TMEM94: variants seen among roughly 807,000 people sequenced by gnomAD.
TMEM94 encodes the protein transmembrane protein 94, also known as ER Mg2+ ATPase.
A neutral mutation model predicts 158.6 loss-of-function variants in TMEM94; 81 were observed. The ratio of observed to expected loss-of-function variants is 0.51; its 90% confidence interval spans 0.43 to 0.61. The LOEUF (loss-of-function observed/expected upper bound fraction) is 0.61. Ranked by LOEUF, TMEM94 falls within the 20% of genes least tolerant of loss-of-function variation. The pLI is 0.00. For synonymous variants in TMEM94, 751 were observed against 730.7 expected (o/e 1.03, Z -0.45); for missense variants, 1,435 against 1,762.0 (o/e 0.81, Z 3.32).
chr17:75,469,872 A>C (rs2050434526), intron 1 of TMEM94, among the ~76,000 whole-genome samples: 1 of 152,050 alleles, frequency 6.6e-6, no homozygotes, highest in Admixed American at 6.5e-5. Context: ...CGGGAGTTTG[A>C]GACGAGCCTG....
chr17:75,470,875 C>T (rs191738156), intron 1 of TMEM94, among the ~76,000 whole-genome samples: 81 of 151,598 alleles, frequency 5.3e-4, no homozygotes, highest in African/African-American at 1.8e-3. Flanking sequence ...GCAAAGGTTG[C>T]GCCACTGCAC....
At chr17:75,462,649 C>T (rs2050117046) in intron 1 of TMEM94, among the ~76,000 whole-genome samples, 1 of 150,836 alleles carries the variant, frequency 6.6e-6, no homozygotes. Context: ...CGAGACCAGC[C>T]TGGTCAACAT....
chr17:75,474,816 C>T (rs1240926218), intron 2 of TMEM94, among the ~76,000 whole-genome samples: 2 of 152,136 alleles, frequency 1.3e-5, no homozygotes, highest in African/African-American at 2.4e-5. Flanking sequence ...TCCATCAGTT[C>T]GGTCTCTCCT....
chr17:75,488,791 C>T lies in TMEM94; in HGVS notation c.645C>T (p.Asp215=). Residue 215 remains aspartate (D), a synonymous_variant, in exon 7 of 32, where the codon GAC becomes GAT. Transcript: ENST00000314256. ...AGCACATCGTCCTGGAGCCGGGAGACCTCTTCCCCCCCTTCTCCCCTCCAC... is the reference window on the plus strand; with the variant it reads ...AGCACATCGTCCTGGAGCCGGGAGATCTCTTCCCCCCCTTCTCCCCTCCAC... ...DDEHIVLEPG[D]LFPPFSPPPS... 1 of 1,613,840 alleles carries T rather than the reference C, an allele frequency of 6.2e-7. No individual in the cohort carries two copies. Among genetic ancestry groups the T allele is most frequent in the Non-Finnish European group, 8.5e-7 (1 of 1,179,894 alleles).
intron 7 of TMEM94, 72 bp downstream of exon 7, chr17:75,488,982 G>A (rs1456297787): frequency 6.7e-7 from 1 of 1,493,642 alleles, no homozygotes; most frequent in Non-Finnish European, 9.0e-7. Context: ...TGACAAGGAA[G>A]GGGCCCCGTT....
intron 1 of TMEM94, among the ~76,000 whole-genome samples, chr17:75,468,757 C>T (rs1034910183): frequency 1.3e-5 from 2 of 152,174 alleles, no homozygotes; most frequent in Non-Finnish European, 2.9e-5. Flanking sequence ...GTGGCAGAAC[C>T]TGGGCCTTCT....
rs1156728166 is a variant in TMEM94, at chr17:75,462,011, G to GTTT, written c.-107+5272_-107+5274dup. Among the ~76,000 whole-genome samples the GTTT allele has an allele frequency of 4.7e-4, 44 of 92,866 alleles. 2 individuals carry two copies. Among genetic ancestry groups the GTTT allele is most frequent in the Non-Finnish European group, 6.5e-4 (35 of 53,606 alleles). The allele number at this position is 92,866 out of a possible 152,430, so 60.9% of individuals were successfully genotyped here. On this transcript the variant is annotated intron_variant, in intron 1 of 31. Coordinates refer to ENST00000314256, the MANE Select transcript of TMEM94 (RefSeq NM_014738.6). ...AGTTTTTTTTGTTTTGTTTTGTTTT[G>GTTT]TTTTTTTTTTTTTTGAGGCAGAGTC...
rs1378429119 is a variant in TMEM94, at chr17:75,492,826, C to T, written c.1912+37C>T. The T allele has an allele frequency of 1.9e-6, 3 of 1,585,646 alleles. No homozygotes were observed. Among genetic ancestry groups the T allele is most frequent in the African/African-American group, 2.7e-5 (2 of 74,536 alleles). On this transcript the variant is annotated intron_variant, in intron 15 of 31. Coordinates refer to ENST00000314256, the MANE Select transcript of TMEM94 (RefSeq NM_014738.6). The surrounding 1 kb of genome is among the most constrained non-coding windows in gnomAD (Gnocchi z 4.4). ...CATGGCAGGGGATGGCTGGCTGGACCCGCCTCCTAGAAGAGGCCCAGTACC... is the reference window on the plus strand; with the variant it reads ...CATGGCAGGGGATGGCTGGCTGGACTCGCCTCCTAGAAGAGGCCCAGTACC...
chr17:75,471,271 G>C (rs1467989464), intron 1 of TMEM94, among the ~76,000 whole-genome samples: 1 of 149,104 alleles, frequency 6.7e-6, no homozygotes, highest in Non-Finnish European at 1.5e-5. Context: ...AAGAAAGAAA[G>C]AAAATGAAGG....
chr17:75,498,408 C>A lies in TMEM94; in HGVS notation c.3639-36C>A. On this transcript the variant is annotated intron_variant, in intron 28 of 31. Transcript: ENST00000314256. The surrounding 1 kb of genome is among the most constrained non-coding windows in gnomAD (Gnocchi z 6.7). The stretch of plus-strand genomic sequence containing the variant: ...CCCACCCCAGCCTACCTCCCTGCGG[C>A]CCTAGAGGGGCTGAGCCCATGCCTC... The A allele has an allele frequency of 6.2e-7, 1 of 1,606,616 alleles. No individual in the cohort carries two copies. Among genetic ancestry groups the A allele is most frequent in the Non-Finnish European group, 8.5e-7 (1 of 1,175,764 alleles).
intron 1 of TMEM94, among the ~76,000 whole-genome samples, chr17:75,461,966 A>G (rs1353988878): frequency 7.1e-6 from 1 of 140,846 alleles, no homozygotes; most frequent in African/African-American, 2.6e-5. Context: ...ATTTTTTCCT[A>G]TCTCCTATAT....
Position 75,488,744 on chromosome 17 carries a change from A to G in TMEM94, c.613-15A>G, listed in dbSNP as rs1308038973. 1.1e-5 allele frequency: 18 copies of G among 1,613,438 alleles called. No homozygotes were observed. Among genetic ancestry groups the G allele is most frequent in the Non-Finnish European group, 1.5e-5 (18 of 1,179,798 alleles). On this transcript the variant is annotated splice_polypyrimidine_tract_variant and intron_variant, in intron 6 of 31. Coordinates refer to ENST00000314256, the MANE Select transcript of TMEM94 (RefSeq NM_014738.6). The stretch of plus-strand genomic sequence containing the variant: ...AGGACCCTCTCGTTCCCACTCTCCC[A>G]CTTGCTGCCGGCAGGATGACGAGCA...
At chr17:75,497,715 C>G in intron 26 of TMEM94, 66 bp from the exon 27 acceptor site, 2 of 1,359,732 alleles carry the variant, frequency 1.5e-6, no homozygotes, top group Non-Finnish European at 2.1e-6. Flanking sequence ...CTAGAGGTTC[C>G]CTCTATGAGA....
rs767620184 is a variant in TMEM94 at position 75,488,035 on chromosome 17, C to T, written c.513C>T (p.Asp171=). Residue 171 remains aspartate, a synonymous_variant, in exon 6 of 32, where the codon GAC becomes GAT. Transcript: ENST00000314256. ...GGTCCTTGCACTGGGCCTACAGAGA[C>T]GGACACCTGGTCAACCTGCCAGTCA... is the stretch of plus-strand genomic sequence containing the variant. ...PSWSLHWAYR[D]GHLVNLPVSL... is the part of the protein sequence containing the mutation. The T allele has an allele frequency of 4.2e-5, 68 of 1,614,064 alleles. No individual in the cohort carries two copies. The highest frequency in any genetic ancestry group is 1.1e-4 in the South Asian group (10 of 91,088).
chr17:75,464,602 CTTTCCTTCCTTTCTTTCT>C (rs2050221063), intron 1 of TMEM94, among the ~76,000 whole-genome samples: 2 of 58,082 alleles, frequency 3.4e-5, no homozygotes, highest in Admixed American at 1.6e-4. Context: ...TTCTTTCTTT[CTTTCCTTCCTTTCTTTCT>C]TTCCTTCCTT....
At chr17:75,465,092 T>C (rs1018246009) in intron 1 of TMEM94, among the ~76,000 whole-genome samples, 5 of 152,056 alleles carry the variant, frequency 3.3e-5, no homozygotes, top group Non-Finnish European at 7.4e-5. Context: ...CTTGAACTCC[T>C]GGTCTCAAGA....
intron 1 of TMEM94, among the ~76,000 whole-genome samples, chr17:75,457,027 A>C (rs1041272189): frequency 6.6e-6 from 1 of 152,106 alleles, no homozygotes; most frequent in African/African-American, 2.4e-5. Flanking sequence ...CTCGCCAACA[A>C]AGAATCCCTG....
At chr17:75,478,453 A>G (rs1330372928) in intron 2 of TMEM94, among the ~76,000 whole-genome samples, 1 of 151,868 alleles carries the variant, frequency 6.6e-6, no homozygotes, top group African/African-American at 2.4e-5. Context: ...GCGGCACAGG[A>G]GAGCTCAGGT....
At position 75,492,197 on chromosome 17, in the gene TMEM94, C is replaced by G. The variant is rs2052263640; in HGVS notation, c.1597-277C>G. 7.6e-7 allele frequency: 1 copy of G among 1,314,276 alleles called. No homozygotes were observed. Among genetic ancestry groups the G allele is most frequent in the African/African-American group, 1.5e-5 (1 of 67,278 alleles). The allele number at this position is 1,314,276 out of a possible 1,614,324, so 81.4% of individuals were successfully genotyped here. A position where few individuals can be genotyped will look rare whatever the true frequency, so the allele number is the denominator to read the frequency against. On this transcript the variant is annotated intron_variant, in intron 14 of 31. Coordinates refer to ENST00000314256, the MANE Select transcript of TMEM94 (RefSeq NM_014738.6). The surrounding 1 kb of genome is among the most constrained non-coding windows in gnomAD (Gnocchi z 4.4). ...AGATGTTCCCTGGCCACAGAAGATC[C>G]CTCAACTGTGTCCTCTTTGGTCTGG...
Sources: allele counts gnomAD v4.1 joint callset (sites outside exome capture counted in the v4.1 genomes callset), GRCh38; gene constraint gnomAD v4.1.1; non-coding constraint Gnocchi (gnomAD v3.1); transcripts MANE v1.5; gene names NCBI Gene and HGNC (gene_info 2026-07-23, HGNC 2026-07-21).